Variants in PTPRD observed in about 807,000 individuals in gnomAD.
PTPRD encodes receptor-type tyrosine-protein phosphatase delta.
Under a neutral mutation model 214.5 loss-of-function variants are expected in PTPRD, and 34 were observed. The ratio of observed to expected loss-of-function variants is 0.16; its 90% CI spans 0.12 to 0.21. The LOEUF (loss-of-function observed/expected upper bound fraction) is 0.21, where lower values mean the gene tolerates loss of function less well. Among genes scored for constraint, PTPRD ranks in the 10% least tolerant of loss-of-function variants. PTPRD has a pLI of 1.00. For synonymous variants in PTPRD, 1,128 were observed against 845.7 expected, an observed-to-expected ratio of 1.33 and a Z score of -5.79; for missense variants, 2,545 against 2,398.7, an observed-to-expected ratio of 1.06 and a Z score of -1.27.
intron 3 of PTPRD, among the ~76,000 whole-genome samples, chr9:10,264,682 T>G (rs1297839475): frequency 6.6e-6 from 1 of 152,114 alleles, no homozygotes; most frequent in Non-Finnish European, 1.5e-5. Flanking sequence ...GTTGAGTTAA[T>G]GCCGAAATTA....
chr9:8,795,952 A>G (rs1311473441), intron 11 of PTPRD, among the ~76,000 whole-genome samples: 1 of 152,346 alleles, frequency 6.6e-6, no homozygotes, highest in Non-Finnish European at 1.5e-5. Flanking sequence ...GTATAGTTAC[A>G]CTATGGAGCA....
chr9:10,216,639 A>C (rs2099542441), intron 3 of PTPRD, among the ~76,000 whole-genome samples: 1 of 152,014 alleles, frequency 6.6e-6, no homozygotes, highest in Non-Finnish European at 1.5e-5. Context: ...CACAAATGTT[A>C]TAGATGCTTA....
chr9:10,421,144 G>A (rs2098541779), intron 2 of PTPRD, among the ~76,000 whole-genome samples: 2 of 151,768 alleles, frequency 1.3e-5, no homozygotes, highest in African/African-American at 2.4e-5. Context: ...TGCATTCAAA[G>A]CCATCCACGG....
At chr9:8,659,071 C>A (rs548738569) in intron 12 of PTPRD, among the ~76,000 whole-genome samples, 2 of 133,094 alleles carry the variant, frequency 1.5e-5, no homozygotes, top group African/African-American at 6.1e-5. Context: ...AAAGAAGTAA[C>A]TGGAAAAAAA....
chr9:8,777,233 ACC>A (rs2095523309), intron 11 of PTPRD, among the ~76,000 whole-genome samples: 1 of 151,948 alleles, frequency 6.6e-6, no homozygotes, highest in South Asian at 2.1e-4. Context: ...TCCTGCTTCC[ACC>A]TCCCAAAGAG....
intron 8 of PTPRD, among the ~76,000 whole-genome samples, chr9:9,398,398 C>G (rs1009409994): frequency 1.5e-4 from 23 of 152,116 alleles, no homozygotes; most frequent in African/African-American, 5.1e-4. Context: ...TGCTATGCCT[C>G]TGAAATAGGA....
intron 9 of PTPRD, among the ~76,000 whole-genome samples, chr9:9,196,671 A>C (rs929000096): frequency 2.9e-4 from 44 of 152,346 alleles, no homozygotes; most frequent in African/African-American, 1.0e-3. Context: ...ATATTACGTG[A>C]AATCATGCAT....
chr9:10,577,308 C>T (rs1027077475), intron 2 of PTPRD, among the ~76,000 whole-genome samples: 2 of 152,108 alleles, frequency 1.3e-5, no homozygotes, highest in African/African-American at 4.8e-5. Flanking sequence ...TTTATAATTA[C>T]CAACTAATTA....
intron 10 of PTPRD, among the ~76,000 whole-genome samples, chr9:9,028,430 TA>T (rs1316625722): frequency 2.0e-5 from 3 of 152,004 alleles, no homozygotes; most frequent in African/African-American, 7.2e-5. Flanking sequence ...TTTATCCTTC[TA>T]AAACAGGAAT....
At chr9:10,547,862 G>T (rs1203340486) in intron 2 of PTPRD, among the ~76,000 whole-genome samples, 1 of 152,068 alleles carries the variant, frequency 6.6e-6, no homozygotes, top group African/African-American at 2.4e-5. Flanking sequence ...GCTATATGAG[G>T]AATAACATGA....
chr9:10,151,503 C>A (rs2099061049), intron 3 of PTPRD, among the ~76,000 whole-genome samples: 1 of 151,952 alleles, frequency 6.6e-6, no homozygotes, highest in African/African-American at 2.4e-5. Flanking sequence ...CCTGGTGATC[C>A]ACCCACCTCG....
chr9:9,061,444 C>G (rs943214000), intron 10 of PTPRD, among the ~76,000 whole-genome samples: 5 of 152,116 alleles, frequency 3.3e-5, no homozygotes, highest in African/African-American at 1.2e-4. Context: ...GTAAAAACTA[C>G]ACTATTGAAT....
intron 21 of PTPRD, among the ~76,000 whole-genome samples, chr9:8,516,860 G>C (rs2097790101): frequency 7.1e-6 from 1 of 141,224 alleles, no homozygotes; most frequent in Non-Finnish European, 1.5e-5. Flanking sequence ...CTGGAGTGTA[G>C]TGGTACAATC....
intron 5 of PTPRD, among the ~76,000 whole-genome samples, chr9:9,932,118 AG>A: frequency 6.7e-6 from 1 of 148,940 alleles, no homozygotes; most frequent in South Asian, 2.1e-4. Context: ...AAAACCACAA[AG>A]ATGGGGAAAA....
intron 10 of PTPRD, among the ~76,000 whole-genome samples, chr9:9,067,500 C>T (rs945392660): frequency 2.6e-5 from 4 of 152,062 alleles, no homozygotes; most frequent in African/African-American, 9.7e-5. Context: ...TCAAGTGTAC[C>T]TCTTCCTCTC....
chr9:9,406,836 C>A (rs1489706859), intron 8 of PTPRD, among the ~76,000 whole-genome samples: 1 of 75,820 alleles, frequency 1.3e-5, no homozygotes, highest in Non-Finnish European at 2.6e-5. Flanking sequence ...AATATGAACT[C>A]TTTCTTCTTT....
At chr9:10,345,070 A>C (rs1432093809) in intron 2 of PTPRD, among the ~76,000 whole-genome samples, 4 of 152,156 alleles carry the variant, frequency 2.6e-5, no homozygotes, top group African/African-American at 9.7e-5. Context: ...ATGGCTAAAA[A>C]AGACTTATCT....
chr9:9,565,014 T>G (rs1426907802), intron 8 of PTPRD, among the ~76,000 whole-genome samples: 2 of 145,718 alleles, frequency 1.4e-5, no homozygotes, highest in African/African-American at 4.9e-5. Flanking sequence ...AGTTTCAAAA[T>G]TATCTCAAGG....
intron 14 of PTPRD, among the ~76,000 whole-genome samples, chr9:8,577,018 G>C (rs971795333): frequency 6.6e-6 from 1 of 152,002 alleles, no homozygotes; most frequent in African/African-American, 2.4e-5. Context: ...AATGCAGCTA[G>C]AGCCAAGCTT....
Sources: allele counts gnomAD v4.1 joint callset (sites outside exome capture counted in the v4.1 genomes callset), GRCh38; gene constraint gnomAD v4.1.1; transcripts MANE v1.5; gene names NCBI Gene and HGNC (gene_info 2026-07-23, HGNC 2026-07-21).